CASTOR2: variants seen among roughly 807,000 people sequenced by gnomAD.
The protein encoded by CASTOR2 is GATS protein like 2.
A neutral mutation model predicts 31.2 loss-of-function variants in CASTOR2; 8 were observed. The ratio of observed to expected loss-of-function variants is 0.26; its 90% CI spans 0.15 to 0.46. CASTOR2 has a LOEUF of 0.46. Ranked by LOEUF, CASTOR2 falls within the 20% of genes least tolerant of loss-of-function variation. The pLI is 0.99. For synonymous variants in CASTOR2, 162 were observed against 158.7 expected, an observed-to-expected ratio of 1.02 and a Z score of -0.16; for missense variants, 216 against 382.1, an observed-to-expected ratio of 0.57 and a Z score of 3.62.
intron 2 of CASTOR2, among the ~76,000 whole-genome samples, chr7:75,010,955 C>G (rs1278840691): frequency 6.6e-6 from 1 of 152,030 alleles, no homozygotes; most frequent in South Asian, 2.1e-4. Flanking sequence ...CAGGTTCAAG[C>G]GATTCTCCTG....
At position 75,016,583 on chromosome 7, in the gene CASTOR2, C is replaced by G. The variant is rs1287244974; in HGVS notation, c.185-1015C>G. On this transcript the variant is annotated intron_variant, in intron 2 of 8. Transcript: ENST00000616305. The stretch of plus-strand genomic sequence containing the variant: ...CCCCACCCAGCCTTTTCCTGGCCTC[C>G]CCTCCACCCAGAGCCTCCCTGAGAG... Among the ~76,000 whole-genome samples, 4 of 152,216 alleles carry G rather than the reference C, an allele frequency of 2.6e-5. No homozygotes were observed. In the East Asian group the frequency reaches 7.7e-4, roughly 29 times the overall value.
chr7:74,978,023 C>T lies in CASTOR2; in HGVS notation c.113+12925C>T, dbSNP rs1435162012. Among the ~76,000 whole-genome samples the T allele has an allele frequency of 1.7e-3, 260 of 150,386 alleles. 2 individuals carry two copies. Among genetic ancestry groups the T allele is most frequent in the African/African-American group, 5.7e-3 (234 of 41,082 alleles). On this transcript the variant is annotated intron_variant, in intron 1 of 8. Coordinates refer to ENST00000616305, the MANE Select transcript of CASTOR2 (RefSeq NM_001145064.3). ...TAGGTGCCATATTCTCAGGCTTGCC[C>T]TCACCATAACACATTGAACATACTC...
At position 75,025,820 on chromosome 7, in the gene CASTOR2, A is replaced by G. The variant is rs1477733371; in HGVS notation, c.*1121A>G. 6.6e-6 allele frequency among the ~76,000 whole-genome samples: 1 copy of G among 152,194 alleles called. No individual in the cohort carries two copies. The highest frequency in any genetic ancestry group is 1.5e-5 in the Non-Finnish European group (1 of 68,036). ...GGATAGGACCTGTTTGAGTTCTGTC[A>G]AGGGAGCCTGGAGGCTCTGTGTCAC... On this transcript the variant is annotated 3_prime_UTR_variant, in exon 9 of 9. Transcript: ENST00000616305.
intron 6 of CASTOR2, among the ~76,000 whole-genome samples, chr7:75,020,473 C>T (rs1195239451): frequency 1.3e-5 from 2 of 149,746 alleles, no homozygotes; most frequent in African/African-American, 2.5e-5. Flanking sequence ...TCAGGCAATC[C>T]GCCCGCCTCA....
chr7:74,988,825 AC>A (rs1322566064), intron 1 of CASTOR2, among the ~76,000 whole-genome samples: 5 of 148,782 alleles, frequency 3.4e-5, no homozygotes, highest in Admixed American at 3.3e-4. Flanking sequence ...TGGAAAAGAT[AC>A]CTGGCAGCCT....
At chr7:74,994,319 A>G (rs1180188181) in intron 1 of CASTOR2, among the ~76,000 whole-genome samples, 1 of 152,202 alleles carries the variant, frequency 6.6e-6, no homozygotes, top group East Asian at 1.9e-4. Flanking sequence ...GTGAGGGCAC[A>G]TGTCAACAAC....
chr7:75,016,499 C>G (rs1392263587), intron 2 of CASTOR2, among the ~76,000 whole-genome samples: 30 of 152,202 alleles, frequency 2.0e-4, no homozygotes, highest in Non-Finnish European at 3.8e-4. Context: ...GGAGTTGCCT[C>G]TTCTTCCAGA....
At chr7:74,973,333 CTTTTTTTTTTT>C (rs1200356756) in intron 1 of CASTOR2, among the ~76,000 whole-genome samples, 1 of 80,338 alleles carries the variant, frequency 1.2e-5, no homozygotes, top group South Asian at 4.5e-4. Context: ...CTCCAGTAAG[CTTTTTTTTTTT>C]TTTTTTTTTT....
At chr7:75,010,453 C>T (rs1434175128) in intron 2 of CASTOR2, among the ~76,000 whole-genome samples, 129 of 152,126 alleles carry the variant, frequency 8.5e-4, no homozygotes, top group African/African-American at 3.0e-3. Flanking sequence ...GGAGAGGGAA[C>T]AAGGAGTGAA....
At chr7:74,994,605 C>G (rs1584466464) in intron 1 of CASTOR2, among the ~76,000 whole-genome samples, 3 of 152,034 alleles carry the variant, frequency 2.0e-5, no homozygotes, top group African/African-American at 7.2e-5. Context: ...CGAAAATTAG[C>G]CGGGCGTGGT....
At position 75,017,788 on chromosome 7, in the gene CASTOR2, C is replaced by A; in HGVS notation, c.375C>A (p.Ile125=). ...TGTCCACGTATCAGACAGACTTCAT[C>A]CTGGTGAGCTGACCATCACAGACAC... ...FMLSTYQTDF[I]LVRERDLPFV... The change falls in exon 3 of 9, where the codon ATC becomes ATA. Residue 125 remains isoleucine, a synonymous_variant. Coordinates refer to ENST00000616305, the MANE Select transcript of CASTOR2 (RefSeq NM_001145064.3). 1 of 1,614,054 alleles carries A rather than the reference C, an allele frequency of 6.2e-7. No homozygotes were observed.
At chr7:74,983,585 G>T in intron 1 of CASTOR2, among the ~76,000 whole-genome samples, 1 of 151,498 alleles carries the variant, frequency 6.6e-6, no homozygotes, top group African/African-American at 2.4e-5. Flanking sequence ...AGAGTGTGGG[G>T]TTGGCTGTGA....
intron 2 of CASTOR2, among the ~76,000 whole-genome samples, chr7:75,013,461 G>A (rs1554439659): frequency 6.9e-6 from 1 of 144,688 alleles, no homozygotes; most frequent in Non-Finnish European, 1.5e-5. Context: ...TGGGCAACAT[G>A]GCAAAGCCCC....
intron 1 of CASTOR2, among the ~76,000 whole-genome samples, chr7:74,994,247 G>C (rs1216467707): frequency 1.3e-5 from 2 of 151,698 alleles, no homozygotes; most frequent in African/African-American, 2.4e-5. Flanking sequence ...GTTGGGTGGT[G>C]GGGGGAACAA....
intron 1 of CASTOR2, among the ~76,000 whole-genome samples, chr7:74,992,099 C>T (rs1193157774): frequency 2.6e-5 from 4 of 151,892 alleles, no homozygotes; most frequent in East Asian, 3.9e-4. Context: ...CATGGTGAAT[C>T]GAGTGGCACA....
At chr7:74,989,494 T>C (rs1804153618) in intron 1 of CASTOR2, among the ~76,000 whole-genome samples, 1 of 151,844 alleles carries the variant, frequency 6.6e-6, no homozygotes, top group Admixed American at 6.6e-5. Flanking sequence ...CAATCATAGC[T>C]CACCACAGCC....
In CASTOR2 at chr7:75,018,893, C is replaced by G. The variant is rs1804929188; in HGVS notation, c.512-79C>G. 44 of 1,550,772 alleles carry G rather than the reference C, an allele frequency of 2.8e-5. 1 individual carries two copies. The South Asian group carries it at 4.5e-4, about 16-fold the overall frequency. ...GCCTGCAGCTGAGCCCTCCCCAGCCCTCTTCCCAGGCCCTGCACCCACCAG... is the reference window on the plus strand; with the variant it reads ...GCCTGCAGCTGAGCCCTCCCCAGCCGTCTTCCCAGGCCCTGCACCCACCAG... On this transcript the variant is annotated intron_variant, in intron 4 of 8. Coordinates refer to ENST00000616305, the MANE Select transcript of CASTOR2 (RefSeq NM_001145064.3).
rs1805218513 is a variant in CASTOR2, at chr7:75,028,875, G to A, written c.*4176G>A. Among the ~76,000 whole-genome samples the A allele has an allele frequency of 6.6e-6, 1 of 152,192 alleles. No homozygotes were observed. The highest frequency in any genetic ancestry group is 1.5e-5 in the Non-Finnish European group (1 of 68,026). On this transcript the variant is annotated 3_prime_UTR_variant, in exon 9 of 9. Transcript: ENST00000616305. Reference sequence around the variant, plus strand: ...TTCCCCTCCCCAAGATTCAGAGGCGGGGACCCAAAGCCTCACTCCAAACCA... The same window carrying A: ...TTCCCCTCCCCAAGATTCAGAGGCGAGGACCCAAAGCCTCACTCCAAACCA...
At chr7:75,012,778 A>G (rs1804783817) in intron 2 of CASTOR2, among the ~76,000 whole-genome samples, 1 of 151,820 alleles carries the variant, frequency 6.6e-6, no homozygotes, top group South Asian at 2.1e-4. Context: ...AGTTGAGACT[A>G]CAGGCATGCA....
Sources: gnomAD v4.1 joint callset for allele counts (sites outside exome capture counted in the v4.1 genomes callset) on GRCh38, gnomAD v4.1.1 for gene constraint, MANE v1.5 for transcripts, NCBI Gene and HGNC (gene_info 2026-07-23, HGNC 2026-07-21) for gene names.